Variants in SLC15A2 observed in about 807,000 individuals in gnomAD.
SLC15A2 encodes the protein kidney H(+)/peptide cotransporter.
SLC15A2 carries 77 observed loss-of-function variants against 95.5 expected under a neutral mutation model. The ratio of observed to expected loss-of-function variants is 0.81; its 90% confidence interval spans 0.67 to 0.97. The LOEUF (loss-of-function observed/expected upper bound fraction) is 0.97. SLC15A2 is among the 50% of genes least tolerant of loss of function. SLC15A2 has a pLI of 0.00. For synonymous variants in SLC15A2, 306 were observed against 306.9 expected, an observed-to-expected ratio of 1.00 and a Z score of 0.03; for missense variants, 893 against 874.4, an observed-to-expected ratio of 1.02 and a Z score of -0.27.
chr3:121,915,528 GT>G, intron 6 of SLC15A2, 87 bp from the exon 7 acceptor site: 21 of 1,051,768 alleles, frequency 2.0e-5, no homozygotes, highest in Non-Finnish European at 3.1e-5. Context: ...ACAAGCTCAG[GT>G]TTATTCAACA....
chr3:121,925,265 T>C lies in SLC15A2; in HGVS notation c.1124+232T>C, dbSNP rs1012075833. 2.0e-5 allele frequency among the ~76,000 whole-genome samples: 3 copies of C among 146,670 alleles called. No homozygotes were observed. The East Asian group carries it at 6.3e-4, about 31-fold the overall frequency. Reference sequence around the variant, plus strand: ...TGTGGACTTAACTGTGTAATGGTGGTGGAGGGGCAGGTCTAGGTTTCATGC... The same window carrying C: ...TGTGGACTTAACTGTGTAATGGTGGCGGAGGGGCAGGTCTAGGTTTCATGC... On this transcript the variant is annotated intron_variant, in intron 13 of 21. Coordinates refer to ENST00000489711, the MANE Select transcript of SLC15A2 (RefSeq NM_021082.4).
At chr3:121,920,793 T>A (rs558197574) in intron 7 of SLC15A2, among the ~76,000 whole-genome samples, 1 of 152,252 alleles carries the variant, frequency 6.6e-6, no homozygotes, top group African/African-American at 2.4e-5. Context: ...TAAAAAGTGA[T>A]GGGAGAGAAA....
intron 3 of SLC15A2, among the ~76,000 whole-genome samples, chr3:121,902,673 T>G (rs1207981320): frequency 1.3e-5 from 2 of 152,248 alleles, no homozygotes; most frequent in Non-Finnish European, 2.9e-5. Flanking sequence ...TCCATGTCCC[T>G]GCAAAGGACA....
intron 5 of SLC15A2, among the ~76,000 whole-genome samples, chr3:121,913,915 C>T (rs1709824738): frequency 6.8e-6 from 1 of 148,144 alleles, no homozygotes. Context: ...CTCTTTTTCT[C>T]CCCCACTCCT....
At chr3:121,923,358 C>A in intron 11 of SLC15A2, 92 bp downstream of exon 11, 1 of 1,251,642 alleles carries the variant, frequency 8.0e-7, no homozygotes, top group Non-Finnish European at 1.2e-6. Flanking sequence ...TGCCTGAAAA[C>A]TAACAAGATC....
At chr3:121,925,123 G>A (rs922716934) in intron 13 of SLC15A2, 90 bp downstream of exon 13, 6 of 906,594 alleles carry the variant, frequency 6.6e-6, no homozygotes, top group Non-Finnish European at 7.3e-6. Context: ...ATTTTTCTTA[G>A]TGAGGATTGG....
At chr3:121,935,918 T>G (rs1273094803) in intron 19 of SLC15A2, among the ~76,000 whole-genome samples, 1 of 152,170 alleles carries the variant, frequency 6.6e-6, no homozygotes, top group Non-Finnish European at 1.5e-5. Context: ...ATAAATTTCC[T>G]TCTACACACT....
At chr3:121,923,156 C>G (rs567122105) in intron 10 of SLC15A2, 27 bp downstream of exon 10, 1 of 1,612,712 alleles carries the variant, frequency 6.2e-7, no homozygotes, top group East Asian at 2.2e-5. Context: ...TGGACATTAC[C>G]GCTCCTTACA....
chr3:121,909,536 GCTC>G (rs550952044), intron 3 of SLC15A2, among the ~76,000 whole-genome samples: 3 of 152,216 alleles, frequency 2.0e-5, no homozygotes, highest in Admixed American at 2.0e-4. Context: ...TTGACTTCTT[GCTC>G]CTCCTATTAG....
rs1326285118 is a variant in SLC15A2, at chr3:121,904,852, T to C, written c.336-6722T>C. Among the ~76,000 whole-genome samples the C allele has an allele frequency of 2.0e-5, 3 of 152,250 alleles. No individual in the cohort carries two copies. The East Asian group carries it at 5.8e-4, about 29-fold the overall frequency. ...CTGCCAGGCTTTCATATCAGGATGA[T>C]GCTGGCCTCATCAAATGAGTTAGGC... is the stretch of plus-strand genomic sequence containing the variant. On this transcript the variant is annotated intron_variant, in intron 3 of 21. Transcript: ENST00000489711.
intron 3 of SLC15A2, among the ~76,000 whole-genome samples, chr3:121,900,596 G>T (rs945936833): frequency 1.1e-4 from 17 of 152,164 alleles, no homozygotes; most frequent in Admixed American, 1.1e-3. Context: ...TTCGAGAATG[G>T]CCACTAGAGG....
intron 13 of SLC15A2, 196 bp from the exon 14 acceptor site, chr3:121,927,562 G>T: frequency 2.0e-6 from 1 of 507,998 alleles, no homozygotes; most frequent in Admixed American, 3.2e-5. Flanking sequence ...GAAGATGCCA[G>T]CACTGTGCTT....
chr3:121,938,031 G>A (rs1459923603), intron 19 of SLC15A2, among the ~76,000 whole-genome samples: 1 of 151,638 alleles, frequency 6.6e-6, no homozygotes, highest in Non-Finnish European at 1.5e-5. Flanking sequence ...GCCATGTGAG[G>A]TGTCAGTCTG....
chr3:121,941,058 AT>A lies in SLC15A2; in HGVS notation c.*59del, dbSNP rs755630690. 1.6e-5 allele frequency: 24 copies of A among 1,536,542 alleles called. No individual in the cohort carries two copies. Among genetic ancestry groups the A allele is most frequent in the Admixed American group, 3.9e-5 (2 of 51,576 alleles). On this transcript the variant is annotated 3_prime_UTR_variant, in exon 22 of 22. Coordinates refer to ENST00000489711, the MANE Select transcript of SLC15A2 (RefSeq NM_021082.4). The stretch of plus-strand genomic sequence containing the variant: ...CCAATTCCTGGCCCTGTCTTGAAGC[AT>A]TTTTTTTCTTCTACTGGATTAGACA...
At position 121,928,569 on chromosome 3, in the gene SLC15A2, C is replaced by T; in HGVS notation, c.1341+14C>T. On this transcript the variant is annotated intron_variant, in intron 15 of 21. Coordinates refer to ENST00000489711, the MANE Select transcript of SLC15A2 (RefSeq NM_021082.4). The stretch of plus-strand genomic sequence containing the variant: ...AAATCCTTTCAGGTGAGGTGTGTAC[C>T]TGAATGAATTAGAAACTCTGTATGC... The T allele has an allele frequency of 1.2e-6, 2 of 1,611,388 alleles. No homozygotes were observed. The highest frequency in any genetic ancestry group is 8.5e-7 in the Non-Finnish European group (1 of 1,179,058).
intron 15 of SLC15A2, 86 bp downstream of exon 15, chr3:121,928,641 C>A: frequency 7.2e-7 from 1 of 1,391,120 alleles, no homozygotes; most frequent in Non-Finnish European, 9.8e-7. Flanking sequence ...TCATAAGCAT[C>A]TTCCCATGTC....
At chr3:121,907,953 CT>C (rs1291310187) in intron 3 of SLC15A2, among the ~76,000 whole-genome samples, 1 of 152,234 alleles carries the variant, frequency 6.6e-6, no homozygotes, top group Admixed American at 6.5e-5. Context: ...TTTCTGCTGC[CT>C]TTTGTTCCGC....
intron 3 of SLC15A2, among the ~76,000 whole-genome samples, chr3:121,906,279 T>C (rs1358305102): frequency 1.3e-5 from 2 of 152,224 alleles, no homozygotes; most frequent in African/African-American, 4.8e-5. Flanking sequence ...TTCTCGTGAA[T>C]ACAGCACACT....
At position 121,923,243 on chromosome 3, in the gene SLC15A2, G is replaced by A; in HGVS notation, c.979G>A (p.Ala327Thr). 1.2e-6 allele frequency: 2 copies of A among 1,613,960 alleles called. No homozygotes were observed. The highest frequency in any genetic ancestry group is 1.7e-6 in the Non-Finnish European group (2 of 1,179,872). The change falls in exon 11 of 22, where the codon GCC (alanine) becomes ACC (threonine). Residue 327 changes from alanine to threonine, a missense_variant. Coordinates refer to ENST00000489711, the MANE Select transcript of SLC15A2 (RefSeq NM_021082.4). ...DQQGSRWTLQAIRMNRNLGFF... is the reference protein window; with the variant it reads ...DQQGSRWTLQTIRMNRNLGFF... ...CTAGGGTTCACGATGGACTTTGCAA[G>A]CCATCAGGATGAATAGGAATTTGGT... is the stretch of plus-strand genomic sequence containing the variant.
Sources: allele counts gnomAD v4.1 joint callset (sites outside exome capture counted in the v4.1 genomes callset), GRCh38; gene constraint gnomAD v4.1.1; transcripts MANE v1.5; gene names NCBI Gene and HGNC (gene_info 2026-07-23, HGNC 2026-07-21).